SYNJ1: variants seen among roughly 807,000 people sequenced by gnomAD.
SYNJ1 encodes the protein synaptojanin 1, also known as polyphosphatidylinositol phosphatase SYNJ1.
Under a neutral mutation model 168.2 loss-of-function variants are expected in SYNJ1, and 78 were observed. The observed-to-expected ratio is 0.46, with a 90% confidence interval of 0.39 to 0.56. The LOEUF is 0.56. Among genes scored for constraint, SYNJ1 ranks in the 20% least tolerant of loss-of-function variants. The pLI, the probability that SYNJ1 is intolerant of heterozygous loss-of-function variation, is 0.00. For missense variants in SYNJ1, 1,303 were observed against 1,597.6 expected (o/e 0.82, Z 3.14); for synonymous variants, 539 against 548.6 (o/e 0.98, Z 0.24).
At chr21:32,643,745 C>A (rs1242109170) in intron 26 of SYNJ1, among the ~76,000 whole-genome samples, 2 of 152,098 alleles carry the variant, frequency 1.3e-5, no homozygotes, top group South Asian at 4.1e-4. Context: ...TTAATGAAGA[C>A]CTTTGCTTTA....
intron 17 of SYNJ1, 126 bp downstream of exon 17, chr21:32,665,817 T>C (rs931500665): frequency 2.0e-6 from 2 of 997,178 alleles, no homozygotes; most frequent in Non-Finnish European, 2.8e-6. Context: ...GAAATATCTA[T>C]TTAGGTGAAT....
intron 31 of SYNJ1, among the ~76,000 whole-genome samples, chr21:32,637,321 A>AATGGATTAT (rs2039613176): frequency 8.2e-6 from 1 of 121,712 alleles, no homozygotes. Context: ...ATTCACTAAA[A>AATGGATTAT]ATGGATTAGC....
chr21:32,678,408 A>G (rs1032074497), intron 12 of SYNJ1, among the ~76,000 whole-genome samples: 2 of 152,180 alleles, frequency 1.3e-5, no homozygotes, highest in East Asian at 3.8e-4. Context: ...CCTCAATCAT[A>G]ATCTATAGAA....
chr21:32,647,853 A>C (rs913856124), intron 23 of SYNJ1, among the ~76,000 whole-genome samples: 10 of 152,152 alleles, frequency 6.6e-5, no homozygotes, highest in Non-Finnish European at 8.8e-5. Context: ...CTTCTGGCCT[A>C]AAGTGCCTGG....
intron 13 of SYNJ1, among the ~76,000 whole-genome samples, chr21:32,674,274 C>T (rs900124504): frequency 6.6e-6 from 1 of 152,212 alleles, no homozygotes; most frequent in African/African-American, 2.4e-5. Flanking sequence ...GCTGTGCCCA[C>T]AGCCTGCAAC....
chr21:32,722,205 A>AAAAATATAT (rs1286564956), intron 2 of SYNJ1, among the ~76,000 whole-genome samples: 3 of 65,728 alleles, frequency 4.6e-5, no homozygotes, highest in African/African-American at 1.7e-4. Flanking sequence ...AAAAAAAAAA[A>AAAAATATAT]ATATATATAT....
intron 32 of SYNJ1, among the ~76,000 whole-genome samples, chr21:32,634,530 T>C (rs959557325): frequency 6.6e-5 from 10 of 152,202 alleles, no homozygotes; most frequent in African/African-American, 1.2e-4. Context: ...ATAAATGCCA[T>C]TGTTAAAACC....
intron 29 of SYNJ1, among the ~76,000 whole-genome samples, chr21:32,641,199 CAGAT>C (rs1347960310): frequency 1.3e-5 from 2 of 152,184 alleles, no homozygotes; most frequent in Non-Finnish European, 2.9e-5. Flanking sequence ...TCCTACTCTT[CAGAT>C]ATGGGCCTCT....
intron 2 of SYNJ1, among the ~76,000 whole-genome samples, chr21:32,710,274 A>G (rs957980276): frequency 6.6e-6 from 1 of 152,154 alleles, no homozygotes; most frequent in Admixed American, 6.5e-5. Context: ...ATAGAAAAAC[A>G]AAAGTGTCCA....
At chr21:32,692,395 G>A (rs865789080) in intron 6 of SYNJ1, among the ~76,000 whole-genome samples, 1 of 151,994 alleles carries the variant, frequency 6.6e-6, no homozygotes, top group African/African-American at 2.4e-5. Flanking sequence ...TGGTCAATAT[G>A]GTGAAACCCC....
Position 32,629,162 on chromosome 21 carries a change from C to G in SYNJ1, c.*2643G>C, listed in dbSNP as rs2039228229. On this transcript the variant is annotated 3_prime_UTR_variant, in exon 33 of 33. Transcript: ENST00000674351. ...AGTTTATATTCAATAGGAAACATTG[C>G]TCACAGATCTGCAATTTGCACTAGT... 6.6e-6 allele frequency: 1 copy of G among 152,626 alleles called. No individual in the cohort carries two copies. Among genetic ancestry groups the G allele is most frequent in the Non-Finnish European group, 1.5e-5 (1 of 68,036 alleles). The allele number at this position is 152,626 out of a possible 1,614,324, so 9.5% of individuals were successfully genotyped here. A position where few individuals can be genotyped will look rare whatever the true frequency, so the allele number is the denominator to read the frequency against.
At chr21:32,642,775 A>G (rs2039900314) in intron 27 of SYNJ1, among the ~76,000 whole-genome samples, 1 of 152,236 alleles carries the variant, frequency 6.6e-6, no homozygotes, top group African/African-American at 2.4e-5. Context: ...AATGAAATAA[A>G]TTACTCTTGG....
chr21:32,633,301 C>T (rs2145673554), intron 32 of SYNJ1, among the ~76,000 whole-genome samples: 1 of 152,208 alleles, frequency 6.6e-6, no homozygotes, highest in East Asian at 1.9e-4. Context: ...GCCCTAAATC[C>T]CTTGGTCCCT....
intron 4 of SYNJ1, among the ~76,000 whole-genome samples, chr21:32,697,024 G>A (rs546696900): frequency 1.3e-5 from 2 of 152,332 alleles, no homozygotes; most frequent in South Asian, 4.1e-4. Flanking sequence ...CCACAGCAAA[G>A]TTATAAGAAA....
intron 13 of SYNJ1, among the ~76,000 whole-genome samples, chr21:32,674,710 A>G (rs1482273263): frequency 2.6e-5 from 4 of 152,050 alleles, no homozygotes; most frequent in African/African-American, 9.7e-5. Flanking sequence ...AGAACCTTAA[A>G]AGCACCTCAA....
chr21:32,673,892 T>C (rs989686308), intron 13 of SYNJ1, among the ~76,000 whole-genome samples: 2 of 152,200 alleles, frequency 1.3e-5, no homozygotes, highest in Non-Finnish European at 2.9e-5. Flanking sequence ...TTTAGGAATA[T>C]AGCAATTAAC....
upstream of SYNJ1, chr21:32,728,016 T>G (rs1241845639): frequency 6.5e-7 from 1 of 1,535,882 alleles, no homozygotes; most frequent in Admixed American, 2.0e-5. Flanking sequence ...TCACTTCCGC[T>G]CCAGCAGGCC....
intron 16 of SYNJ1, 66 bp from the exon 17 acceptor site, chr21:32,666,201 A>T (rs2040923547): frequency 6.6e-7 from 1 of 1,519,684 alleles, no homozygotes; most frequent in Admixed American, 2.1e-5. Context: ...ATAGGAAATG[A>T]GGAATATACA....
chr21:32,722,922 T>G (rs562344568), intron 2 of SYNJ1, among the ~76,000 whole-genome samples: 44 of 152,310 alleles, frequency 2.9e-4, no homozygotes, highest in African/African-American at 9.9e-4. Context: ...CATGGTTATT[T>G]TGGATAAAAT....
Sources: gnomAD v4.1 joint callset for allele counts (sites outside exome capture counted in the v4.1 genomes callset) on GRCh38, gnomAD v4.1.1 for gene constraint, MANE v1.5 for transcripts, NCBI Gene and HGNC (gene_info 2026-07-23, HGNC 2026-07-21) for gene names.